SRD5A2: variants seen among roughly 807,000 people sequenced by gnomAD.
SRD5A2 encodes the protein steroid 5 alpha-reductase 2, also known as 3-oxo-5-alpha-steroid 4-dehydrogenase 2.
A neutral mutation model predicts 27.4 loss-of-function variants in SRD5A2; 30 were observed. That is an observed-to-expected ratio of 1.10 (90% CI 0.82 to 1.49). The LOEUF (loss-of-function observed/expected upper bound fraction) is 1.49. Ranked by LOEUF, SRD5A2 falls within the 40% of genes most tolerant of loss-of-function variation. SRD5A2 has a pLI of 0.00. For missense variants in SRD5A2, 348 were observed against 323.4 expected (o/e 1.08, Z -0.58); for synonymous variants, 141 against 133.6 (o/e 1.06, Z -0.38).
the SRD5A2 span, among the ~76,000 whole-genome samples, chr2:31,589,555 AG>A: frequency 6.6e-6 from 1 of 152,144 alleles, no homozygotes; most frequent in African/African-American, 2.4e-5. Flanking sequence ...CTGCCTCTCT[AG>A]GGAGGGCTGG....
At chr2:31,563,039 T>C (rs1208679051) in intron 1 of SRD5A2, 1 of 152,132 alleles carries the variant, frequency 6.6e-6, no homozygotes, top group Non-Finnish European at 1.5e-5. Context: ...TAACCATCTG[T>C]TGGTATCTCC....
At chr2:31,554,574 T>C (rs1666454128) in intron 1 of SRD5A2, among the ~76,000 whole-genome samples, 1 of 152,186 alleles carries the variant, frequency 6.6e-6, no homozygotes, top group Non-Finnish European at 1.5e-5. Context: ...AGAAAGATCA[T>C]TTTGCCTGAA....
At chr2:31,636,935 T>C in the SRD5A2 span, among the ~76,000 whole-genome samples, 2 of 152,224 alleles carry the variant, frequency 1.3e-5, no homozygotes, top group African/African-American at 4.8e-5. Flanking sequence ...CTATTTTTCT[T>C]TTTTTATTGT....
chr2:31,555,949 A>C (rs1186514154), intron 1 of SRD5A2, among the ~76,000 whole-genome samples: 2 of 152,150 alleles, frequency 1.3e-5, no homozygotes, highest in Non-Finnish European at 2.9e-5. Context: ...TAAAATGAAA[A>C]CAAAATAAAA....
At chr2:31,661,172 A>G in the SRD5A2 span, among the ~76,000 whole-genome samples, 2 of 152,178 alleles carry the variant, frequency 1.3e-5, no homozygotes, top group East Asian at 1.9e-4. Context: ...TTTTTCATGT[A>G]AAGCCAAGAT....
chr2:31,533,886 T>A, intron 1 of SRD5A2, 120 bp from the exon 2 acceptor site: 1 of 1,129,962 alleles, frequency 8.8e-7, no homozygotes, highest in Non-Finnish European at 1.2e-6. Flanking sequence ...CATTTCGCCT[T>A]AACCCAATAC....
At chr2:31,603,762 A>G in the SRD5A2 span, among the ~76,000 whole-genome samples, 6 of 152,024 alleles carry the variant, frequency 3.9e-5, no homozygotes, top group African/African-American at 1.4e-4. Context: ...ATGGAGCTGG[A>G]AACCATTATC....
intron 3 of SRD5A2, among the ~76,000 whole-genome samples, chr2:31,530,011 G>T (rs1230499357): frequency 6.6e-6 from 1 of 152,120 alleles, no homozygotes; most frequent in African/African-American, 2.4e-5. Flanking sequence ...AGGAGCTGCA[G>T]GTATTTGTCC....
chr2:31,531,296 C>T, intron 3 of SRD5A2, 75 bp downstream of exon 3: 1 of 1,095,292 alleles, frequency 9.1e-7, no homozygotes, highest in Non-Finnish European at 1.3e-6. Context: ...GTCCCCTCTC[C>T]ATCTGCTACC....
chr2:31,594,879 A>C, the SRD5A2 span, among the ~76,000 whole-genome samples: 1 of 152,226 alleles, frequency 6.6e-6, no homozygotes, highest in Non-Finnish European at 1.5e-5. Flanking sequence ...CAGTAGAATA[A>C]AATTGGAAAT....
chr2:31,601,952 T>C, the SRD5A2 span, among the ~76,000 whole-genome samples: 1 of 152,028 alleles, frequency 6.6e-6, no homozygotes, highest in South Asian at 2.1e-4. Flanking sequence ...GCCAATATCA[T>C]ACTGAATCGG....
chr2:31,630,715 T>A, the SRD5A2 span, among the ~76,000 whole-genome samples: 1 of 152,164 alleles, frequency 6.6e-6, no homozygotes. Context: ...AAGAAAAAGG[T>A]AGCTTACTAA....
chr2:31,526,282 TAATTGTA>T lies in SRD5A2; in HGVS notation c.699-27_699-21del. Reference sequence around the variant, plus strand: ...TAGAACCTAAAAGACAAGAAAGGAATAATTGTAAATATAATGGAGCAGTGGCTGACAG... The same window carrying T: ...TAGAACCTAAAAGACAAGAAAGGAATAATATAATGGAGCAGTGGCTGACAG... On this transcript the variant is annotated intron_variant, in intron 4 of 4. Transcript: ENST00000622030. 1 of 1,499,602 alleles carries T rather than the reference TAATTGTA, an allele frequency of 6.7e-7. No individual in the cohort carries two copies. The highest frequency in any genetic ancestry group is 1.4e-5 in the African/African-American group (1 of 72,196). 92.9% of individuals were successfully genotyped at this position (1,499,602 alleles called of 1,614,324 possible). A position where few individuals can be genotyped will look rare whatever the true frequency, so the allele number is the denominator to read the frequency against.
chr2:31,541,356 A>G (rs1390313838), intron 1 of SRD5A2, among the ~76,000 whole-genome samples: 1 of 151,992 alleles, frequency 6.6e-6, no homozygotes, highest in Non-Finnish European at 1.5e-5. Flanking sequence ...AAAAAAACAC[A>G]AGGCATTCAA....
chr2:31,534,415 G>A (rs906000745), intron 1 of SRD5A2, among the ~76,000 whole-genome samples: 4 of 152,132 alleles, frequency 2.6e-5, no homozygotes, highest in Non-Finnish European at 4.4e-5. Context: ...AGGATATGAT[G>A]ACTCTCCGAG....
the SRD5A2 span, among the ~76,000 whole-genome samples, chr2:31,644,793 T>C: frequency 1.3e-5 from 2 of 152,226 alleles, no homozygotes; most frequent in Admixed American, 6.5e-5. Flanking sequence ...TTTGTAATTA[T>C]ACTGATTATG....
the SRD5A2 span, among the ~76,000 whole-genome samples, chr2:31,598,640 G>A: frequency 2.6e-5 from 4 of 151,084 alleles, no homozygotes; most frequent in African/African-American, 9.7e-5. Context: ...CAAGCCTCAT[G>A]GTAACCTCAC....
At chr2:31,658,948 T>C in the SRD5A2 span, among the ~76,000 whole-genome samples, 1 of 152,056 alleles carries the variant, frequency 6.6e-6, no homozygotes, top group African/African-American at 2.4e-5. Flanking sequence ...CCAACATAGA[T>C]GCAAAAATCT....
the SRD5A2 span, among the ~76,000 whole-genome samples, chr2:31,592,251 C>A: frequency 6.6e-6 from 1 of 152,048 alleles, no homozygotes; most frequent in East Asian, 1.9e-4. Flanking sequence ...CCAACTCAAG[C>A]CATTACAGCA....
Sources: allele counts gnomAD v4.1 joint callset (sites outside exome capture counted in the v4.1 genomes callset), GRCh38; gene constraint gnomAD v4.1.1; transcripts MANE v1.5; gene names NCBI Gene and HGNC (gene_info 2026-07-23, HGNC 2026-07-21).